Variants in CEP290 observed in about 807,000 individuals in gnomAD.
CEP290 encodes the protein centrosomal protein 290.
A neutral mutation model predicts 344.9 loss-of-function variants in CEP290; 317 were observed. The observed-to-expected ratio is 0.92, with a 90% CI of 0.84 to 1.01. The LOEUF is 1.01. Ranked by LOEUF, CEP290 falls within the 50% of genes least tolerant of loss-of-function variation. The probability of loss-of-function intolerance (pLI) is 0.00; values close to 1 mark genes in which losing one functional copy is unlikely to be tolerated. For missense variants in CEP290, 2,754 were observed against 2,761.4 expected (o/e 1.00, Z 0.06); for synonymous variants, 932 against 895.8 (o/e 1.04, Z -0.72).
chr12:88,078,966 T>C, intron 39 of CEP290, 126 bp downstream of exon 39: 1 of 671,796 alleles, frequency 1.5e-6, no homozygotes, highest in Non-Finnish European at 2.3e-6. Flanking sequence ...TGTGTGTCTA[T>C]GTCTAGCCAC....
Position 88,087,582 on chromosome 12 carries a change from C to G in CEP290, c.4194+198G>C, listed in dbSNP as rs370334241. On this transcript the variant is annotated intron_variant, in intron 32 of 53. Coordinates refer to ENST00000552810, the MANE Select transcript of CEP290 (RefSeq NM_025114.4). ...AAAAATACAAAAAATTAGCCAGGCA[C>G]GGTGGCGGGTGCCTGTAGTCCCAGC... Among the ~76,000 whole-genome samples, 20 of 151,456 alleles carry G rather than the reference C, an allele frequency of 1.3e-4. 1 individual carries two copies. The South Asian group carries it at 4.2e-3, about 32-fold the overall frequency.
At chr12:88,094,044 C>T (rs2037250340) in intron 27 of CEP290, 69 bp from the exon 28 acceptor site, 2 of 1,185,516 alleles carry the variant, frequency 1.7e-6, no homozygotes, top group Admixed American at 2.5e-5. Flanking sequence ...ATTTTAGATG[C>T]TGTATATTAG....
Position 88,102,905 on chromosome 12 carries a change from T to G in CEP290, c.2924A>C (p.Lys975Thr). 1.2e-6 allele frequency: 2 copies of G among 1,610,696 alleles called. No individual in the cohort carries two copies. The highest frequency in any genetic ancestry group is 2.2e-5 in the South Asian group (2 of 90,208). ...ANKQYNELTA[K>T]YRDILQKDNM... ...ATCTTTTTGCAAGATGTCCCTGTAC[T>G]TAGCAGTCAGTTCATTGTACTGTTT... Residue 975 changes from lysine (K) to threonine (T), a missense_variant, in exon 26 of 54, where the codon AAG (lysine) becomes ACG (threonine). Transcript: ENST00000552810.
chr12:88,049,461 AT>A (rs920949297), intron 53 of CEP290, 47 bp from the exon 54 acceptor site: 3 of 978,530 alleles, frequency 3.1e-6, no homozygotes, highest in Non-Finnish European at 4.6e-6. Flanking sequence ...AAATATACAT[AT>A]TTTACGTTTG....
At position 88,055,719 on chromosome 12, in the gene CEP290, T is replaced by C. The variant is rs1368243776; in HGVS notation, c.6819-2A>G. The stretch of plus-strand genomic sequence containing the variant: ...TCTTTTAACTTGGTTTCATACATTC[T>C]AAAAGTATAAGGAAAAAAAGTATAG... On this transcript the variant is annotated splice_acceptor_variant, in intron 49 of 53. Coordinates refer to ENST00000552810, the MANE Select transcript of CEP290 (RefSeq NM_025114.4). LOFTEE classifies it high-confidence loss of function. The C allele has an allele frequency of 6.7e-7, 1 of 1,496,050 alleles. No homozygotes were observed. Among genetic ancestry groups the C allele is most frequent in the Non-Finnish European group, 9.0e-7 (1 of 1,116,366 alleles). 92.7% of individuals were successfully genotyped at this position (1,496,050 alleles called of 1,614,324 possible).
At chr12:88,082,588 G>T (rs929417752) in intron 37 of CEP290, among the ~76,000 whole-genome samples, 5 of 152,112 alleles carry the variant, frequency 3.3e-5, no homozygotes, top group African/African-American at 9.7e-5. Context: ...CAGCTACTCT[G>T]CAGGCTGAGG....
intron 11 of CEP290, 141 bp downstream of exon 11, chr12:88,128,805 C>G: frequency 2.0e-6 from 1 of 500,564 alleles, no homozygotes; most frequent in Non-Finnish European, 3.3e-6. Flanking sequence ...CTTTTCTAAC[C>G]AATAAATAAA....
At position 88,089,166 on chromosome 12, in the gene CEP290, T is replaced by C. The variant is rs1565845628; in HGVS notation, c.3895A>G (p.Lys1299Glu). ...TMIQLQNDKL[K>E]IMQEMKNSQQ... The stretch of plus-strand genomic sequence containing the variant: ...GAATTTTTCATTTCTTGCATTATCT[T>C]AAGTTTGTCATTTTGTAGTTGAATC... The change falls in exon 31 of 54, where the codon AAG becomes GAG. Residue 1299 changes from lysine to glutamate, a missense_variant. Lys to Glu is a moderately conservative substitution (Grantham distance 56). Coordinates refer to ENST00000552810, the MANE Select transcript of CEP290 (RefSeq NM_025114.4). The C allele has an allele frequency of 1.2e-6, 2 of 1,611,996 alleles. No homozygotes were observed. Among genetic ancestry groups the C allele is most frequent in the Admixed American group, 1.7e-5 (1 of 59,674 alleles).
chr12:88,122,529 A>T (rs2039467761), intron 13 of CEP290, among the ~76,000 whole-genome samples: 1 of 152,160 alleles, frequency 6.6e-6, no homozygotes, highest in Admixed American at 6.6e-5. Flanking sequence ...GAATACCATT[A>T]GCCATTACGT....
chr12:88,067,536 C>T (rs2035035303), intron 44 of CEP290, among the ~76,000 whole-genome samples: 3 of 152,208 alleles, frequency 2.0e-5, no homozygotes, highest in Admixed American at 2.0e-4. Context: ...TAATCACAGT[C>T]CTCCATAGCA....
chr12:88,071,141 T>C (rs759130990), intron 43 of CEP290, among the ~76,000 whole-genome samples, 153 bp downstream of exon 43: 2 of 152,022 alleles, frequency 1.3e-5, no homozygotes, highest in African/African-American at 4.8e-5. Context: ...ACACCAAAAT[T>C]ATGTGGCATA....
At chr12:88,074,754 A>T (rs986773777) in intron 41 of CEP290, among the ~76,000 whole-genome samples, 4 of 152,150 alleles carry the variant, frequency 2.6e-5, no homozygotes, top group African/African-American at 9.7e-5. Context: ...TAGGAGAAGA[A>T]ATACTGATGT....
At chr12:88,085,984 G>GC in intron 34 of CEP290, 55 bp downstream of exon 34, 3 of 1,471,872 alleles carry the variant, frequency 2.0e-6, no homozygotes, top group South Asian at 1.3e-5. Context: ...TATTTAGAAA[G>GC]CCCCCCAAAC....
At chr12:88,134,777 T>C (rs1480363186) in intron 6 of CEP290, among the ~76,000 whole-genome samples, 2 of 152,212 alleles carry the variant, frequency 1.3e-5, no homozygotes, top group Non-Finnish European at 2.9e-5. Flanking sequence ...GTAAGGACTC[T>C]ATGAAAGCTA....
Position 88,080,315 on chromosome 12 carries a change from T to A in CEP290, c.5093A>T (p.Gln1698Leu). ...AGATTTTAAACACTGTGACTCCTTTTGTGACTGGTCCAGAAGATACTTTAA... is the reference window on the plus strand; with the variant it reads ...AGATTTTAAACACTGTGACTCCTTTAGTGACTGGTCCAGAAGATACTTTAA... ...EDLKYLLDQSQKESQCLKSEL... is the reference protein window; with the variant it reads ...EDLKYLLDQSLKESQCLKSEL... Residue 1698 changes from glutamine (Q) to leucine (L), a missense_variant, in exon 38 of 54, where the codon CAA becomes CTA. Gln to Leu is a moderately radical substitution (Grantham distance 113). Coordinates refer to ENST00000552810, the MANE Select transcript of CEP290 (RefSeq NM_025114.4). 1 of 1,613,876 alleles carries A rather than the reference T, an allele frequency of 6.2e-7. No homozygotes were observed. Among genetic ancestry groups the A allele is most frequent in the Non-Finnish European group, 8.5e-7 (1 of 1,179,786 alleles).
chr12:88,074,165 C>T (rs894062611), intron 41 of CEP290, among the ~76,000 whole-genome samples: 2 of 151,942 alleles, frequency 1.3e-5, no homozygotes, highest in African/African-American at 4.8e-5. Flanking sequence ...GCGGAGGTTG[C>T]AGTGAGCTGA....
chr12:88,108,001 G>C (rs185414368), intron 23 of CEP290, among the ~76,000 whole-genome samples: 2 of 151,458 alleles, frequency 1.3e-5, no homozygotes, highest in Non-Finnish European at 3.0e-5. Context: ...ATGTTGTATA[G>C]CATAGTATAT....
Position 88,131,169 on chromosome 12 carries a change from C to T in CEP290, c.491G>A (p.Arg164Lys). The change falls in exon 7 of 54, where the codon AGA becomes AAA. Residue 164 changes from arginine to lysine, a missense_variant. Physicochemically the swap from Arg to Lys is conservative, Grantham distance 26 (BLOSUM62 2). Coordinates refer to ENST00000552810, the MANE Select transcript of CEP290 (RefSeq NM_025114.4). Reference protein sequence around the residue: ...EAENENSKLRRENKRLKKKNE... With the variant: ...EAENENSKLRKENKRLKKKNE... ...ACAACTACTAAAATTTTTTACCTCT[C>T]TTCTTAATTTGCTGTTTTCATTTTC... 6.6e-7 allele frequency: 1 copy of T among 1,516,466 alleles called. No homozygotes were observed. Among genetic ancestry groups the T allele is most frequent in the Non-Finnish European group, 8.8e-7 (1 of 1,137,912 alleles). 93.9% of individuals were successfully genotyped at this position (1,516,466 alleles called of 1,614,324 possible).
chr12:88,121,503 CT>C (rs1164977149), intron 13 of CEP290, among the ~76,000 whole-genome samples: 2 of 151,640 alleles, frequency 1.3e-5, no homozygotes, highest in African/African-American at 4.8e-5. Context: ...GGATTTTTAG[CT>C]TGACACGTGG....
Sources: gnomAD v4.1 joint callset for allele counts (sites outside exome capture counted in the v4.1 genomes callset) on GRCh38, gnomAD v4.1.1 for gene constraint, MANE v1.5 for transcripts, NCBI Gene and HGNC (gene_info 2026-07-23, HGNC 2026-07-21) for gene names.